The following TREM1 variants were observed in gnomAD, a reference collection of about 807,000 sequenced individuals.
The protein encoded by TREM1 is triggering receptor expressed on myeloid cells 1.
TREM1 carries 16 observed loss-of-function variants against 22.4 expected under a neutral mutation model. That is an observed-to-expected ratio of 0.71 (90% CI 0.48 to 1.08). The LOEUF is 1.08. TREM1 is among the 50% of genes least tolerant of loss of function. The pLI, the probability that TREM1 is intolerant of heterozygous loss-of-function variation, is 0.00. For synonymous variants in TREM1, 110 were observed against 111.6 expected (o/e 0.99, Z 0.09); for missense variants, 283 against 282.9 (o/e 1.00, Z 0.00).
chr6:41,268,461 T>C (rs1767393150), intron 3 of TREM1, among the ~76,000 whole-genome samples: 2 of 152,246 alleles, frequency 1.3e-5, no homozygotes, highest in Non-Finnish European at 2.9e-5. Context: ...AGAACTCCAA[T>C]GATGGATTCA....
intron 3 of TREM1, 104 bp from the exon 4 acceptor site, chr6:41,276,334 T>G: frequency 2.5e-6 from 2 of 810,446 alleles, no homozygotes; most frequent in East Asian, 2.6e-5. Flanking sequence ...TCTGCTTAGA[T>G]CCTTGCTCCA....
intron 3 of TREM1, among the ~76,000 whole-genome samples, chr6:41,276,805 G>A (rs1291445045): frequency 6.6e-6 from 1 of 152,050 alleles, no homozygotes; most frequent in Admixed American, 6.5e-5. Context: ...TAAGACACAG[G>A]GACAGACAGA....
intron 3 of TREM1, chr6:41,280,439 G>A (rs966776985): frequency 1.7e-5 from 17 of 994,366 alleles, no homozygotes; most frequent in East Asian, 1.1e-4. Flanking sequence ...AAACAATAAG[G>A]CAAAAACCAA....
At chr6:41,269,839 A>T (rs1767428700), downstream of TREM1, 1 of 152,186 alleles carries the variant, frequency 6.6e-6, no homozygotes, top group Admixed American at 6.6e-5. Flanking sequence ...GCCTAAGGAG[A>T]CCCTTCCATG....
chr6:41,285,470 T>A (rs1768124029), intron 1 of TREM1, among the ~76,000 whole-genome samples: 1 of 152,162 alleles, frequency 6.6e-6, no homozygotes, highest in Non-Finnish European at 1.5e-5. Flanking sequence ...GAGCCAGGAT[T>A]CAAACCCAAG....
intron 3 of TREM1, chr6:41,280,162 T>A: frequency 1.1e-6 from 1 of 944,620 alleles, no homozygotes; most frequent in East Asian, 1.2e-4. Context: ...GAAGAGAATA[T>A]GAGAAAAAAG....
chr6:41,277,120 C>A (rs896419801), intron 3 of TREM1, among the ~76,000 whole-genome samples: 84 of 151,528 alleles, frequency 5.5e-4, no homozygotes, highest in African/African-American at 1.9e-3. Flanking sequence ...GAATCAAACA[C>A]ATTAAGGAAT....
At chr6:41,280,518 G>A (rs1333839420) in intron 3 of TREM1, 1 of 1,052,670 alleles carries the variant, frequency 9.5e-7, no homozygotes, top group African/African-American at 1.7e-5. Flanking sequence ...CCAGCTTTGG[G>A]TTTCTACCAT....
chr6:41,276,467 C>A (rs750260138), intron 3 of TREM1, among the ~76,000 whole-genome samples: 1 of 152,040 alleles, frequency 6.6e-6, no homozygotes, highest in Non-Finnish European at 1.5e-5. Context: ...GGGAGACAGT[C>A]GGGCTGATCA....
At chr6:41,272,651 A>C (rs1767515998), downstream of TREM1, among the ~76,000 whole-genome samples, 1 of 151,972 alleles carries the variant, frequency 6.6e-6, no homozygotes, top group Admixed American at 6.5e-5. Context: ...CCATGTCTGC[A>C]AGAGCTGCAT....
At chr6:41,278,961 T>C (rs570375937) in intron 3 of TREM1, among the ~76,000 whole-genome samples, 70 of 152,162 alleles carry the variant, frequency 4.6e-4, no homozygotes, top group African/African-American at 1.6e-3. Context: ...GGGGCTGGGG[T>C]CAGGGAACCT....
downstream of TREM1, chr6:41,267,857 A>G (rs1232733932): frequency 5.0e-6 from 2 of 397,894 alleles, no homozygotes; most frequent in Non-Finnish European, 8.9e-6. Context: ...TGTGAAAAAA[A>G]TAAGACAAAA....
intron 3 of TREM1, chr6:41,280,174 CAT>C (rs1767846606): frequency 3.2e-6 from 3 of 952,364 alleles, no homozygotes; most frequent in Non-Finnish European, 3.7e-6. Flanking sequence ...AGAAAAAAGA[CAT>C]GTTAGACTAG....
intron 2 of TREM1, chr6:41,282,062 C>T (rs146166713): frequency 9.8e-4 from 265 of 271,400 alleles, no homozygotes; most frequent in African/African-American, 5.3e-3. Flanking sequence ...TTCAGAAGCA[C>T]ACAGGCATGC....
chr6:41,271,675 C>T (rs1767482210), downstream of TREM1, among the ~76,000 whole-genome samples: 1 of 152,200 alleles, frequency 6.6e-6, no homozygotes, highest in Non-Finnish European at 1.5e-5. Flanking sequence ...ATTCTCTCAA[C>T]TTCAAGATGC....
At chr6:41,271,574 GC>G (rs1191921898), downstream of TREM1, among the ~76,000 whole-genome samples, 1 of 152,172 alleles carries the variant, frequency 6.6e-6, no homozygotes, top group Non-Finnish European at 1.5e-5. Context: ...GTGAGTGAAT[GC>G]TTTTTTAAGG....
At position 41,276,194 on chromosome 6, in the gene TREM1, A is replaced by G; in HGVS notation, c.636T>C (p.Gly212=). The change falls in exon 4 of 4, where the codon GGT becomes GGC. Residue 212 remains glycine, a synonymous_variant. Coordinates refer to ENST00000244709, the MANE Select transcript of TREM1 (RefSeq NM_018643.5). ...AGACCAGGCTCTTACTCAGGAATCC[A>G]CCAGCCAGGAGAATGACAATGTTGA... ...PVFNIVILLA[G]GFLSKSLVFS... is the part of the protein sequence containing the mutation. 1 of 1,614,134 alleles carries G rather than the reference A, an allele frequency of 6.2e-7. No individual in the cohort carries two copies. The highest frequency in any genetic ancestry group is 8.5e-7 in the Non-Finnish European group (1 of 1,180,012).
chr6:41,281,256 G>T, intron 2 of TREM1, 103 bp from the exon 3 acceptor site: 2 of 1,308,342 alleles, frequency 1.5e-6, no homozygotes, highest in Non-Finnish European at 2.1e-6. Flanking sequence ...ATGTGGATGA[G>T]TTGATGGACG....
At chr6:41,278,088 AT>A (rs1011330401) in intron 3 of TREM1, among the ~76,000 whole-genome samples, 2 of 141,846 alleles carry the variant, frequency 1.4e-5, no homozygotes, top group Admixed American at 1.5e-4. Flanking sequence ...TGCCCTGCTA[AT>A]TTTTTTATTA....
Sources: allele counts gnomAD v4.1 joint callset (sites outside exome capture counted in the v4.1 genomes callset), GRCh38; gene constraint gnomAD v4.1.1; transcripts MANE v1.5; gene names NCBI Gene and HGNC (gene_info 2026-07-23, HGNC 2026-07-21).